NSUN7: variants seen among roughly 807,000 people sequenced by gnomAD.
NSUN7 encodes the protein protein NSUN7.
A neutral mutation model predicts 58.5 loss-of-function variants in NSUN7; 39 were observed. The observed-to-expected ratio is 0.67, with a 90% CI of 0.52 to 0.87. NSUN7 has a LOEUF of 0.87. Among genes scored for constraint, NSUN7 ranks in the 40% least tolerant of loss-of-function variants. The pLI is 0.00. For synonymous variants in NSUN7, 278 were observed against 303.7 expected, an observed-to-expected ratio of 0.92 and a Z score of 0.88; for missense variants, 765 against 844.1, an observed-to-expected ratio of 0.91 and a Z score of 1.16.
At chr4:40,805,462 C>T (rs1046646201) in intron 10 of NSUN7, among the ~76,000 whole-genome samples, 16 of 152,280 alleles carry the variant, frequency 1.1e-4, no homozygotes, top group Non-Finnish European at 1.8e-4. Flanking sequence ...GAATCTCTGA[C>T]TTCTTCCATG....
chr4:40,788,454 G>C (rs1178056933), intron 7 of NSUN7, among the ~76,000 whole-genome samples: 1 of 152,144 alleles, frequency 6.6e-6, no homozygotes, highest in Non-Finnish European at 1.5e-5. Context: ...AGAAGTAGGA[G>C]AAGAATCAAG....
intron 7 of NSUN7, among the ~76,000 whole-genome samples, chr4:40,785,371 T>A (rs1167037158): frequency 6.6e-6 from 1 of 151,796 alleles, no homozygotes; most frequent in Non-Finnish European, 1.5e-5. Flanking sequence ...TTTGGATTTT[T>A]TTTTTGAGAT....
chr4:40,780,705 T>A (rs892677625), intron 7 of NSUN7, among the ~76,000 whole-genome samples: 3 of 148,318 alleles, frequency 2.0e-5, no homozygotes, highest in Admixed American at 6.8e-5. Flanking sequence ...TATTTAAGCT[T>A]ACATACATTA....
At chr4:40,758,892 A>G (rs1413526710) in intron 2 of NSUN7, among the ~76,000 whole-genome samples, 4 of 151,908 alleles carry the variant, frequency 2.6e-5, no homozygotes, top group African/African-American at 9.7e-5. Context: ...CTCAAAAAAA[A>G]AGAAAATTCA....
intron 2 of NSUN7, among the ~76,000 whole-genome samples, chr4:40,756,640 CTG>C (rs1741157769): frequency 6.6e-6 from 1 of 152,192 alleles, no homozygotes; most frequent in South Asian, 2.1e-4. Flanking sequence ...GCTACTTGCT[CTG>C]TGACTATGAA....
In NSUN7 at chr4:40,805,846, T is replaced by A. The variant is rs917284095; in HGVS notation, c.1401-1215T>A. 3.9e-5 allele frequency among the ~76,000 whole-genome samples: 6 copies of A among 151,934 alleles called. No homozygotes were observed. The Middle Eastern group carries it at 0.01, about 260-fold the overall frequency. On this transcript the variant is annotated intron_variant, in intron 10 of 11. Transcript: ENST00000381782. ...TAGCTGTGTCACATGGACACTATTA[T>A]TATTATTATTATTGAGATGGAGTCT...
intron 10 of NSUN7, among the ~76,000 whole-genome samples, chr4:40,802,083 T>C (rs1743611805): frequency 6.6e-6 from 1 of 152,180 alleles, no homozygotes; most frequent in Non-Finnish European, 1.5e-5. Flanking sequence ...TTTTTATATT[T>C]AAATAATTGA....
chr4:40,776,079 G>C lies in NSUN7; in HGVS notation c.856G>C (p.Val286Leu), dbSNP rs776016399. The change falls in exon 7 of 12, where the codon GTA (valine) becomes CTA (leucine). Residue 286 changes from valine (V) to leucine (L), a missense_variant. Transcript: ENST00000381782. ...DKSRSLAVHS[V>L]KALLNMDDDV... ...ATCTCGAAGTCTTGCTGTCCATTCT[G>C]TAAAGGCTTTATTAAATATGGATGA... is the stretch of plus-strand genomic sequence containing the variant. The C allele has an allele frequency of 6.2e-7, 1 of 1,608,272 alleles. No homozygotes were observed. The highest frequency in any genetic ancestry group is 1.3e-5 in the African/African-American group (1 of 74,742).
chr4:40,783,858 A>G (rs1366004525), intron 7 of NSUN7, among the ~76,000 whole-genome samples: 1 of 152,134 alleles, frequency 6.6e-6, no homozygotes, highest in Non-Finnish European at 1.5e-5. Flanking sequence ...AAAAAAAAAA[A>G]AAAGATAACT....
chr4:40,789,083 G>C (rs113978313), intron 7 of NSUN7, among the ~76,000 whole-genome samples: 1 of 152,304 alleles, frequency 6.6e-6, no homozygotes, highest in South Asian at 2.1e-4. Flanking sequence ...GTACCACAAA[G>C]GCAACTGAGT....
intron 7 of NSUN7, among the ~76,000 whole-genome samples, chr4:40,782,795 G>A (rs1297882167): frequency 6.6e-6 from 1 of 152,148 alleles, no homozygotes; most frequent in Non-Finnish European, 1.5e-5. Context: ...CTTTAGCCCA[G>A]GAGTTCAAGG....
At chr4:40,783,116 G>A (rs748383341) in intron 7 of NSUN7, among the ~76,000 whole-genome samples, 4 of 152,182 alleles carry the variant, frequency 2.6e-5, no homozygotes, top group Non-Finnish European at 5.9e-5. Context: ...TGATTTAAAA[G>A]CTTACTACAC....
rs765774254 is a variant in NSUN7, at chr4:40,761,154, A to T, written c.358-17A>T. 6.4e-7 allele frequency: 1 copy of T among 1,555,214 alleles called. No individual in the cohort carries two copies. Among genetic ancestry groups the T allele is most frequent in the Admixed American group, 2.1e-5 (1 of 47,028 alleles). On this transcript the variant is annotated splice_polypyrimidine_tract_variant and intron_variant, in intron 3 of 11. Coordinates refer to ENST00000381782, the MANE Select transcript of NSUN7 (RefSeq NM_024677.6). ...ATTGTTTGTATACTTTTCTTTATAT[A>T]TGTTTTCCCTTGTTAGCCAGATCAT... is the stretch of plus-strand genomic sequence containing the variant.
At chr4:40,779,387 A>G (rs1742418479) in intron 7 of NSUN7, among the ~76,000 whole-genome samples, 1 of 152,154 alleles carries the variant, frequency 6.6e-6, no homozygotes, top group Non-Finnish European at 1.5e-5. Context: ...GCGGATCACA[A>G]GGTCAGGAGA....
intron 4 of NSUN7, among the ~76,000 whole-genome samples, chr4:40,765,988 C>T (rs1741705618): frequency 6.6e-6 from 1 of 152,174 alleles, no homozygotes; most frequent in South Asian, 2.1e-4. Flanking sequence ...TGGGCTGAGA[C>T]AATGGGGTTT....
Position 40,774,632 on chromosome 4 carries a change from G to A in NSUN7, c.642-135G>A, listed in dbSNP as rs1577559791. 5.7e-6 allele frequency: 4 copies of A among 706,680 alleles called. No homozygotes were observed. In the Admixed American group the frequency reaches 1.2e-4, roughly 21 times the overall value. The allele number at this position is 706,680 out of a possible 1,614,324, so 43.8% of individuals were successfully genotyped here. A position where few individuals can be genotyped will look rare whatever the true frequency, so the allele number is the denominator to read the frequency against. ...TATAATTATCTTTTAGTTTATTGTT[G>A]GTTAAAATTGTTAGTTCCATTAGAT... is the stretch of plus-strand genomic sequence containing the variant. On this transcript the variant is annotated intron_variant, in intron 5 of 11. Coordinates refer to ENST00000381782, the MANE Select transcript of NSUN7 (RefSeq NM_024677.6).
chr4:40,766,563 C>T (rs1741739259), intron 4 of NSUN7, among the ~76,000 whole-genome samples: 1 of 152,140 alleles, frequency 6.6e-6, no homozygotes, highest in Non-Finnish European at 1.5e-5. Context: ...TGTGTCTCTG[C>T]CTGGCTTTGG....
chr4:40,759,640 T>C (rs1741345032), intron 2 of NSUN7, among the ~76,000 whole-genome samples: 1 of 152,210 alleles, frequency 6.6e-6, no homozygotes, highest in African/African-American at 2.4e-5. Context: ...CAGTTTCCAC[T>C]CATCAGCTGC....
chr4:40,783,269 A>G (rs1742661497), intron 7 of NSUN7, among the ~76,000 whole-genome samples: 1 of 152,248 alleles, frequency 6.6e-6, no homozygotes, highest in Non-Finnish European at 1.5e-5. Flanking sequence ...TGGGAAATGA[A>G]TAGTCTTTTC....
Sources: allele counts gnomAD v4.1 joint callset (sites outside exome capture counted in the v4.1 genomes callset), GRCh38; gene constraint gnomAD v4.1.1; transcripts MANE v1.5; gene names NCBI Gene and HGNC (gene_info 2026-07-23, HGNC 2026-07-21).